SLC35F1: variants seen among roughly 807,000 people sequenced by gnomAD.
SLC35F1 encodes the protein chromosome 6 open reading frame 169.
A neutral mutation model predicts 48.7 loss-of-function variants in SLC35F1; 14 were observed. That is an observed-to-expected ratio of 0.29 (90% CI 0.19 to 0.45). The LOEUF (loss-of-function observed/expected upper bound fraction) is 0.45. Among genes scored for constraint, SLC35F1 ranks in the 20% least tolerant of loss-of-function variants. The pLI is 1.00. For missense variants in SLC35F1, 404 were observed against 500.0 expected, an observed-to-expected ratio of 0.81 and a Z score of 1.83; for synonymous variants, 190 against 202.2, an observed-to-expected ratio of 0.94 and a Z score of 0.51.
chr6:118,313,238 A>G (rs547676560), intron 7 of SLC35F1, among the ~76,000 whole-genome samples: 2 of 152,336 alleles, frequency 1.3e-5, no homozygotes, highest in East Asian at 1.9e-4. Flanking sequence ...TTTCCCCAGT[A>G]ACTACTGAAG....
intron 1 of SLC35F1, among the ~76,000 whole-genome samples, chr6:118,061,581 T>TGC (rs1772537794): frequency 9.3e-6 from 1 of 106,970 alleles, no homozygotes; most frequent in Non-Finnish European, 2.2e-5. Flanking sequence ...TTTGTGTGTG[T>TGC]GTGTGTGTGT....
chr6:118,189,669 T>C (rs1376373983), intron 2 of SLC35F1, among the ~76,000 whole-genome samples: 1 of 152,190 alleles, frequency 6.6e-6, no homozygotes, highest in Non-Finnish European at 1.5e-5. Flanking sequence ...CAGAGTTTAA[T>C]TGAAAAACTC....
chr6:118,178,875 G>T (rs1774531434), intron 2 of SLC35F1, among the ~76,000 whole-genome samples: 1 of 152,034 alleles, frequency 6.6e-6, no homozygotes, highest in South Asian at 2.1e-4. Context: ...TAGCAAAATA[G>T]TTTTGAACAT....
chr6:118,006,565 A>G (rs537662338), intron 1 of SLC35F1, among the ~76,000 whole-genome samples: 2 of 152,044 alleles, frequency 1.3e-5, no homozygotes, highest in Non-Finnish European at 2.9e-5. Context: ...GCTATAGTAA[A>G]CTGTGACCAC....
chr6:117,907,643 C>G lies in SLC35F1; in HGVS notation c.-84C>G. Reference sequence around the variant, plus strand: ...CCGGGCCGCGGCCGCCCGGCCGGGTCCTCTGCGCGTTCCCGGGCCCGGAAC... The same window carrying G: ...CCGGGCCGCGGCCGCCCGGCCGGGTGCTCTGCGCGTTCCCGGGCCCGGAAC... On this transcript the variant is annotated 5_prime_UTR_variant, in exon 1 of 8. Coordinates refer to ENST00000360388, the MANE Select transcript of SLC35F1 (RefSeq NM_001029858.4). 1 of 799,906 alleles carries G rather than the reference C, an allele frequency of 1.3e-6. No homozygotes were observed. The highest frequency in any genetic ancestry group is 1.8e-6 in the Non-Finnish European group (1 of 556,866). The allele number at this position is 799,906 out of a possible 1,614,324, so 49.6% of individuals were successfully genotyped here. A position where few individuals can be genotyped will look rare whatever the true frequency, so the allele number is the denominator to read the frequency against.
intron 1 of SLC35F1, among the ~76,000 whole-genome samples, chr6:117,988,117 C>T (rs1776870920): frequency 6.6e-6 from 1 of 152,104 alleles, no homozygotes; most frequent in African/African-American, 2.4e-5. Context: ...TCCACAAAGC[C>T]AGGGATTGTG....
chr6:118,301,323 G>A (rs914609592), intron 7 of SLC35F1, among the ~76,000 whole-genome samples: 4 of 152,126 alleles, frequency 2.6e-5, no homozygotes, highest in African/African-American at 9.7e-5. Flanking sequence ...GTCTCAAGTT[G>A]ATGAAACCAG....
At chr6:118,051,195 T>G (rs1772385202) in intron 1 of SLC35F1, among the ~76,000 whole-genome samples, 1 of 152,180 alleles carries the variant, frequency 6.6e-6, no homozygotes, top group Admixed American at 6.6e-5. Flanking sequence ...CTTTTACCAT[T>G]TATCAAGCAT....
intron 2 of SLC35F1, among the ~76,000 whole-genome samples, chr6:118,177,013 T>C (rs1774499362): frequency 6.6e-6 from 1 of 152,116 alleles, no homozygotes; most frequent in Admixed American, 6.6e-5. Context: ...ATCTTTTAAC[T>C]TGTTAAAAGT....
chr6:117,989,993 C>T (rs1776895751), intron 1 of SLC35F1, among the ~76,000 whole-genome samples: 2 of 152,102 alleles, frequency 1.3e-5, no homozygotes, highest in African/African-American at 4.8e-5. Context: ...CTGAGTCCAA[C>T]TTAGCATATC....
intron 1 of SLC35F1, among the ~76,000 whole-genome samples, chr6:118,015,292 T>C (rs1582620076): frequency 6.6e-6 from 1 of 152,056 alleles, no homozygotes. Flanking sequence ...GGAGAGATTG[T>C]TTTTTAACTT....
At chr6:117,939,131 C>G (rs1776197475) in intron 1 of SLC35F1, among the ~76,000 whole-genome samples, 1 of 151,682 alleles carries the variant, frequency 6.6e-6, no homozygotes, top group Admixed American at 6.6e-5. Context: ...TCCCAAGTAG[C>G]TGTGACTACA....
chr6:117,986,816 T>C (rs985392670), intron 1 of SLC35F1, among the ~76,000 whole-genome samples: 2 of 152,214 alleles, frequency 1.3e-5, no homozygotes, highest in Non-Finnish European at 2.9e-5. Flanking sequence ...TGAAGAGCTT[T>C]TGCTCTCGAC....
At chr6:118,172,209 G>A (rs959487827) in intron 2 of SLC35F1, among the ~76,000 whole-genome samples, 2 of 151,998 alleles carry the variant, frequency 1.3e-5, no homozygotes. Context: ...GAGTATGAGG[G>A]ATAACCCTTG....
chr6:118,010,592 A>G (rs917668658), intron 1 of SLC35F1, among the ~76,000 whole-genome samples: 1 of 152,206 alleles, frequency 6.6e-6, no homozygotes, highest in Non-Finnish European at 1.5e-5. Context: ...GTTAACACGT[A>G]CAAAAGGTAG....
chr6:118,168,937 A>G (rs1157058041), intron 2 of SLC35F1, among the ~76,000 whole-genome samples: 1 of 152,174 alleles, frequency 6.6e-6, no homozygotes, highest in East Asian at 1.9e-4. Flanking sequence ...ATATACAACA[A>G]CTCACTGGGA....
chr6:118,129,596 G>A (rs1234979479), intron 1 of SLC35F1, among the ~76,000 whole-genome samples: 3 of 152,210 alleles, frequency 2.0e-5, no homozygotes, highest in Admixed American at 6.5e-5. Flanking sequence ...GGGTGTTGGC[G>A]GTTGCTGTAG....
At chr6:118,100,919 CACCATGA>C (rs1478259139) in intron 1 of SLC35F1, among the ~76,000 whole-genome samples, 2 of 152,162 alleles carry the variant, frequency 1.3e-5, no homozygotes, top group Non-Finnish European at 2.9e-5. Context: ...TCCAGGGCCC[CACCATGA>C]ATAACAAGGC....
At chr6:117,963,883 C>T (rs575884760) in intron 1 of SLC35F1, among the ~76,000 whole-genome samples, 16 of 152,160 alleles carry the variant, frequency 1.1e-4, no homozygotes, top group Non-Finnish European at 1.2e-4. Context: ...GGTAAACATG[C>T]GCCATGGTGG....
Sources: gnomAD v4.1 joint callset for allele counts (sites outside exome capture counted in the v4.1 genomes callset) on GRCh38, gnomAD v4.1.1 for gene constraint, MANE v1.5 for transcripts, NCBI Gene and HGNC (gene_info 2026-07-23, HGNC 2026-07-21) for gene names.